Variants in FHIT observed in about 807,000 individuals in gnomAD.
FHIT encodes the protein fragile histidine triad diadenosine triphosphatase, also known as bis(5'-adenosyl)-triphosphatase.
Under a neutral mutation model 17.9 loss-of-function variants are expected in FHIT, and 19 were observed. That is an observed-to-expected ratio of 1.06 (90% CI 0.74 to 1.56). The LOEUF (loss-of-function observed/expected upper bound fraction) is 1.56. Ranked by LOEUF, FHIT falls within the 40% of genes most tolerant of loss-of-function variation. The pLI is 0.00. For missense variants in FHIT, 248 were observed against 189.2 expected, an observed-to-expected ratio of 1.31 and a Z score of -1.82; for synonymous variants, 81 against 69.7, an observed-to-expected ratio of 1.16 and a Z score of -0.81.
chr3:59,940,941 C>A (rs1362827176), intron 7 of FHIT, among the ~76,000 whole-genome samples: 1 of 152,078 alleles, frequency 6.6e-6, no homozygotes, highest in East Asian at 1.9e-4. Context: ...CAGTTCCGGT[C>A]CTATCTCAAA....
At chr3:60,960,592 GC>G (rs1709376078) in intron 3 of FHIT, among the ~76,000 whole-genome samples, 1 of 131,590 alleles carries the variant, frequency 7.6e-6, no homozygotes, top group Non-Finnish European at 1.7e-5. Flanking sequence ...CCCACAACAG[GC>G]CCCGGTGTGT....
chr3:61,021,670 T>G (rs1263568566), intron 3 of FHIT, among the ~76,000 whole-genome samples: 1 of 149,368 alleles, frequency 6.7e-6, no homozygotes, highest in Non-Finnish European at 1.5e-5. Context: ...GCAATCAAAT[T>G]AGAACTCAGG....
chr3:60,797,812 T>C (rs1397149493), intron 4 of FHIT, among the ~76,000 whole-genome samples: 1 of 151,884 alleles, frequency 6.6e-6, no homozygotes, highest in African/African-American at 2.4e-5. Context: ...AAATGTTTGA[T>C]TTAAATGTTT....
intron 3 of FHIT, among the ~76,000 whole-genome samples, chr3:60,954,271 T>A (rs782357967): frequency 6.6e-6 from 1 of 152,218 alleles, no homozygotes; most frequent in African/African-American, 2.4e-5. Flanking sequence ...ATCATATGCA[T>A]GAATGTATAT....
intron 5 of FHIT, among the ~76,000 whole-genome samples, chr3:60,146,383 C>T (rs1341027580): frequency 6.6e-6 from 1 of 151,934 alleles, no homozygotes; most frequent in East Asian, 1.9e-4. Context: ...GAGCCATCCC[C>T]AGCATGATAC....
intron 3 of FHIT, among the ~76,000 whole-genome samples, chr3:60,895,538 T>C (rs1420813069): frequency 7.9e-5 from 12 of 152,198 alleles, no homozygotes; most frequent in African/African-American, 2.9e-4. Flanking sequence ...CAATTATTAC[T>C]ATAATAGTTG....
intron 3 of FHIT, among the ~76,000 whole-genome samples, chr3:61,041,295 T>C (rs973451871): frequency 3.3e-5 from 5 of 151,898 alleles, no homozygotes; most frequent in African/African-American, 9.7e-5. Flanking sequence ...GACAATCACT[T>C]GAACCTGGGA....
At chr3:60,529,718 T>C (rs992191714) in intron 5 of FHIT, among the ~76,000 whole-genome samples, 2 of 152,184 alleles carry the variant, frequency 1.3e-5, no homozygotes, top group African/African-American at 4.8e-5. Flanking sequence ...TTAAAACTAC[T>C]TGAAAAAGTT....
chr3:59,986,574 T>TAC (rs1203741421), intron 7 of FHIT, among the ~76,000 whole-genome samples: 4,293 of 59,798 alleles, frequency 0.072, 970 homozygotes, highest in African/African-American at 0.2. Context: ...CACACATATA[T>TAC]ACACACACAC....
chr3:60,036,352 A>C (rs558129380), intron 5 of FHIT, among the ~76,000 whole-genome samples: 1 of 152,138 alleles, frequency 6.6e-6, no homozygotes, highest in Admixed American at 6.5e-5. Flanking sequence ...ATGTTATTTT[A>C]CCTCATAAGA....
intron 3 of FHIT, among the ~76,000 whole-genome samples, chr3:61,015,551 T>A (rs2032060175): frequency 6.6e-6 from 1 of 152,206 alleles, no homozygotes; most frequent in Non-Finnish European, 1.5e-5. Flanking sequence ...TTCAGGAATG[T>A]CACTATGGCT....
intron 3 of FHIT, among the ~76,000 whole-genome samples, chr3:60,892,804 A>G (rs1705588939): frequency 6.6e-6 from 1 of 152,228 alleles, no homozygotes; most frequent in African/African-American, 2.4e-5. Flanking sequence ...TTGTAATAAT[A>G]TGCGTAAATG....
intron 7 of FHIT, among the ~76,000 whole-genome samples, chr3:59,961,235 T>C (rs1707663396): frequency 6.6e-6 from 1 of 152,106 alleles, no homozygotes; most frequent in African/African-American, 2.4e-5. Flanking sequence ...TAGGCCGTTA[T>C]GGAAATGGAA....
intron 5 of FHIT, among the ~76,000 whole-genome samples, chr3:60,488,308 T>C (rs1051315514): frequency 2.0e-5 from 3 of 152,300 alleles, no homozygotes; most frequent in South Asian, 2.1e-4. Flanking sequence ...AGCATTATTG[T>C]AGGCCTGGCT....
At chr3:60,825,536 C>T (rs567616323) in intron 3 of FHIT, among the ~76,000 whole-genome samples, 60 of 152,136 alleles carry the variant, frequency 3.9e-4, no homozygotes, top group Middle Eastern at 3.4e-3. Flanking sequence ...CCAGGCCACA[C>T]AGCAGGAGGT....
intron 4 of FHIT, among the ~76,000 whole-genome samples, chr3:60,661,034 C>A (rs1389382351): frequency 6.6e-6 from 1 of 151,784 alleles, no homozygotes; most frequent in Admixed American, 6.6e-5. Context: ...AATCTAAGGA[C>A]ACTTTGGTTT....
chr3:60,860,338 A>G (rs1227623342), intron 3 of FHIT, among the ~76,000 whole-genome samples: 2 of 145,406 alleles, frequency 1.4e-5, no homozygotes, highest in African/African-American at 5.3e-5. Flanking sequence ...TGTATACATG[A>G]GATACATCAT....
At chr3:60,335,666 AC>A (rs550730686) in intron 5 of FHIT, among the ~76,000 whole-genome samples, 138 of 152,206 alleles carry the variant, frequency 9.1e-4, no homozygotes, top group African/African-American at 3.1e-3. Flanking sequence ...AAGACTCAGC[AC>A]ACACACACAC....
intron 5 of FHIT, among the ~76,000 whole-genome samples, chr3:60,470,325 G>A (rs1213705515): frequency 6.6e-6 from 1 of 152,068 alleles, no homozygotes; most frequent in East Asian, 1.9e-4. Flanking sequence ...GCTCTGGTCA[G>A]GTCCAGAGAT....
Sources: allele counts gnomAD v4.1 joint callset (sites outside exome capture counted in the v4.1 genomes callset), GRCh38; gene constraint gnomAD v4.1.1; transcripts MANE v1.5; gene names NCBI Gene and HGNC (gene_info 2026-07-23, HGNC 2026-07-21).